The following NEK10 variants were observed in gnomAD, a reference collection of about 807,000 sequenced individuals.
NEK10 encodes the protein NIMA related kinase 10.
A neutral mutation model predicts 159.8 loss-of-function variants in NEK10; 122 were observed. That is an observed-to-expected ratio of 0.76 (90% CI 0.66 to 0.89). The LOEUF is 0.89. Among genes scored for constraint, NEK10 ranks in the 40% least tolerant of loss-of-function variants. NEK10 has a pLI of 0.00. For synonymous variants in NEK10, 466 were observed against 457.1 expected (o/e 1.02, Z -0.25); for missense variants, 1,342 against 1,323.1 (o/e 1.01, Z -0.22).
At chr3:27,308,096 G>A (rs1336073216) in intron 10 of NEK10, among the ~76,000 whole-genome samples, 151 bp from the exon 11 acceptor site, 2 of 152,194 alleles carry the variant, frequency 1.3e-5, no homozygotes, top group African/African-American at 4.8e-5. Context: ...GCATGGCTAG[G>A]GAGGCCTCAG....
intron 13 of NEK10, among the ~76,000 whole-genome samples, chr3:27,297,961 C>A (rs1339340987): frequency 6.6e-6 from 1 of 152,170 alleles, no homozygotes; most frequent in Admixed American, 6.5e-5. Flanking sequence ...ATAATTCTCA[C>A]AATGATCTTC....
At position 27,322,192 on chromosome 3, in the gene NEK10, C is replaced by A. The variant is rs1209106609; in HGVS notation, c.432G>T (p.Arg144Ser). The change falls in exon 6 of 36, where the codon AGG becomes AGT. Residue 144 changes from arginine (R) to serine (S), a missense_variant. By Grantham distance (110) the Arg-to-Ser change is moderately radical. Transcript: ENST00000691995. ...TCCAACCAACCTGATAACATGGATC[C>A]CTCATTAGTAGCCTCAGACAGATTA... ...RVLICLRLLM[R>S]DPCYQEILHS... is the part of the protein sequence containing the mutation. The A allele has an allele frequency of 1.3e-6, 2 of 1,550,456 alleles. No individual in the cohort carries two copies. The highest frequency in any genetic ancestry group is 1.8e-6 in the Non-Finnish European group (2 of 1,139,238).
chr3:27,319,488 T>C (rs921798975), intron 6 of NEK10, among the ~76,000 whole-genome samples: 1 of 152,186 alleles, frequency 6.6e-6, no homozygotes, highest in African/African-American at 2.4e-5. Context: ...TCTATTTAAA[T>C]GGCTTCCAGA....
At chr3:27,136,433 A>G (rs1287032351) in intron 31 of NEK10, among the ~76,000 whole-genome samples, 2 of 152,056 alleles carry the variant, frequency 1.3e-5, no homozygotes, top group Non-Finnish European at 2.9e-5. Context: ...TTTTTAAAAG[A>G]TGCTATATAT....
chr3:27,196,017 C>T (rs754659369), intron 25 of NEK10, among the ~76,000 whole-genome samples: 66 of 152,052 alleles, frequency 4.3e-4, no homozygotes, highest in South Asian at 1.0e-3. Flanking sequence ...GTCTTATGCC[C>T]GATTTCTGCC....
chr3:27,172,208 G>A (rs113974235), intron 28 of NEK10, among the ~76,000 whole-genome samples: 1,735 of 151,804 alleles, frequency 0.011, 11 homozygotes, highest in South Asian at 0.021. Flanking sequence ...GGTGGAGCAT[G>A]CCTGTAGTCC....
chr3:27,295,191 C>T (rs1401476612), intron 15 of NEK10, among the ~76,000 whole-genome samples: 2 of 152,192 alleles, frequency 1.3e-5, no homozygotes, highest in Non-Finnish European at 2.9e-5. Flanking sequence ...GTTCCCTCTG[C>T]ATGGAATGCC....
At chr3:27,209,240 G>T (rs1035249888) in intron 23 of NEK10, among the ~76,000 whole-genome samples, 2 of 152,092 alleles carry the variant, frequency 1.3e-5, no homozygotes, top group Non-Finnish European at 2.9e-5. Flanking sequence ...AATTTCATTG[G>T]CCACCCTGTA....
At chr3:27,365,610 G>GTTTTTTTTTT (rs71091129) in intron 1 of NEK10, among the ~76,000 whole-genome samples, 19 of 99,118 alleles carry the variant, frequency 1.9e-4, no homozygotes, top group East Asian at 3.4e-4. Context: ...TTTTTTTTGT[G>GTTTTTTTTTT]TTTTTTTTTT....
chr3:27,242,802 G>T (rs191994547), intron 23 of NEK10, among the ~76,000 whole-genome samples: 1 of 152,254 alleles, frequency 6.6e-6, no homozygotes, highest in African/African-American at 2.4e-5. Flanking sequence ...GGCCTTCCTG[G>T]AACCCTAGAG....
intron 5 of NEK10, among the ~76,000 whole-genome samples, chr3:27,334,115 C>T (rs575360395): frequency 6.6e-6 from 1 of 152,170 alleles, no homozygotes; most frequent in Admixed American, 6.5e-5. Context: ...CAGGGGATTG[C>T]CCAGCCTAGT....
At chr3:27,339,372 T>A (rs1294936603) in intron 5 of NEK10, among the ~76,000 whole-genome samples, 1 of 151,890 alleles carries the variant, frequency 6.6e-6, no homozygotes, top group Non-Finnish European at 1.5e-5. Context: ...AACAACCCTA[T>A]CAAAAAATGG....
rs559507540 is a variant in NEK10, at chr3:27,291,249, A to C, written c.1605+13T>G. 60 of 1,608,200 alleles carry C rather than the reference A, an allele frequency of 3.7e-5. No homozygotes were observed. The South Asian group carries it at 6.7e-4, about 18-fold the overall frequency. On this transcript the variant is annotated intron_variant, in intron 18 of 35. Coordinates refer to ENST00000691995, the MANE Select transcript of NEK10 (RefSeq NM_001394966.1). ...TTGGGAGTATCAGAAATGTTCCCCAAGGGGAAAGTCACCTTGTAAACACAG... is the reference window on the plus strand; with the variant it reads ...TTGGGAGTATCAGAAATGTTCCCCACGGGGAAAGTCACCTTGTAAACACAG...
At chr3:27,293,748 T>C in intron 15 of NEK10, 96 bp from the exon 16 acceptor site, 1 of 661,784 alleles carries the variant, frequency 1.5e-6, no homozygotes, top group South Asian at 2.2e-5. Flanking sequence ...TTAACGTGAC[T>C]TTATTGTAAG....
intron 22 of NEK10, among the ~76,000 whole-genome samples, chr3:27,284,060 C>T (rs2042394844): frequency 6.6e-6 from 1 of 152,104 alleles, no homozygotes; most frequent in Non-Finnish European, 1.5e-5. Flanking sequence ...ACATGGTAGC[C>T]ACTTATCACA....
chr3:27,157,736 G>T (rs1945623636), intron 30 of NEK10, among the ~76,000 whole-genome samples: 2 of 152,154 alleles, frequency 1.3e-5, no homozygotes, highest in Admixed American at 6.6e-5. Flanking sequence ...CTATCAAACA[G>T]CATCGCACGC....
rs142860469 is a variant in NEK10, at chr3:27,151,908, C to T, written c.2870-10326G>A. 7.3e-3 allele frequency among the ~76,000 whole-genome samples: 1,108 copies of T among 152,104 alleles called. 14 individuals carry two copies. The highest frequency in any genetic ancestry group is 0.025 in the African/African-American group (1,047 of 41,510). On this transcript the variant is annotated intron_variant, in intron 30 of 35. Coordinates refer to ENST00000691995, the MANE Select transcript of NEK10 (RefSeq NM_001394966.1). Reference sequence around the variant, plus strand: ...GAATTGAACAAGTAGAGCTCAAAGACGAGGTCTTTGAATTAACCCACTCGA... The same window carrying T: ...GAATTGAACAAGTAGAGCTCAAAGATGAGGTCTTTGAATTAACCCACTCGA...
chr3:27,287,291 A>G (rs1250208055), intron 20 of NEK10, among the ~76,000 whole-genome samples: 2 of 152,200 alleles, frequency 1.3e-5, no homozygotes, highest in Non-Finnish European at 2.9e-5. Flanking sequence ...CTTCAGGTAA[A>G]AGAAATCTCA....
chr3:27,352,910 C>T lies in NEK10; in HGVS notation c.-28G>A. 6.6e-7 allele frequency: 1 copy of T among 1,517,070 alleles called. No individual in the cohort carries two copies. Among genetic ancestry groups the T allele is most frequent in the Non-Finnish European group, 9.1e-7 (1 of 1,096,568 alleles). 94.0% of individuals were successfully genotyped at this position (1,517,070 alleles called of 1,614,324 possible). On this transcript the variant is annotated 5_prime_UTR_variant, in exon 2 of 36. An upstream start codon of the reference 5' UTR is lost. Transcript: ENST00000691995. ...TAAAACATCAATGCCCCAGAATTAA[C>T]ATCGCATTCCTTTAAAATTAAACCA...
Sources: allele counts gnomAD v4.1 joint callset (sites outside exome capture counted in the v4.1 genomes callset), GRCh38; gene constraint gnomAD v4.1.1; transcripts MANE v1.5; gene names NCBI Gene and HGNC (gene_info 2026-07-23, HGNC 2026-07-21).